Variants in PCDHGA10 observed in about 807,000 individuals in gnomAD.
PCDHGA10 encodes the protein protocadherin gamma subfamily A, 10, also known as protocadherin gamma-A10.
PCDHGA10 carries 42 observed loss-of-function variants against 59.5 expected under a neutral mutation model. The ratio of observed to expected loss-of-function variants is 0.71; its 90% confidence interval spans 0.55 to 0.91. The LOEUF is 0.91. Ranked by LOEUF, PCDHGA10 falls within the 40% of genes least tolerant of loss-of-function variation. PCDHGA10 has a pLI of 0.00. For missense variants in PCDHGA10, 1,111 were observed against 1,198.2 expected (o/e 0.93, Z 1.07); for synonymous variants, 511 against 517.2 (o/e 0.99, Z 0.16).
At chr5:141,426,521 C>T (rs184198267) in intron 1 of PCDHGA10, 14 of 341,908 alleles carry the variant, frequency 4.1e-5, no homozygotes, top group Admixed American at 7.6e-5. Flanking sequence ...ACCGTGAACA[C>T]GGAGAATGGG....
intron 1 of PCDHGA10, among the ~76,000 whole-genome samples, chr5:141,469,492 T>C (rs1233507221): frequency 6.6e-6 from 1 of 152,038 alleles, no homozygotes; most frequent in Non-Finnish European, 1.5e-5. Flanking sequence ...GGAGAATCGC[T>C]TGAACCCGGG....
At chr5:141,447,136 TTTTTTG>T (rs1304915683) in intron 1 of PCDHGA10, among the ~76,000 whole-genome samples, 4 of 152,090 alleles carry the variant, frequency 2.6e-5, no homozygotes, top group Admixed American at 6.6e-5. Context: ...TGTTTGTTTG[TTTTTTG>T]TTTTTGTTTT....
chr5:141,441,973 C>A lies in PCDHGA10; in HGVS notation c.2436+26362C>A, dbSNP rs1457832429. The A allele has an allele frequency of 3.7e-5, 11 of 296,542 alleles. No individual in the cohort carries two copies. In the Admixed American group the frequency reaches 4.9e-4, roughly 13 times the overall value. 18.4% of individuals were successfully genotyped at this position (296,542 alleles called of 1,614,324 possible). A position where few individuals can be genotyped will look rare whatever the true frequency, so the allele number is the denominator to read the frequency against. ...GGCCAGCAAGCCCAGGCTCTTCAGC[C>A]TGGAATGCGCACCGACGAGGTGCTG... On this transcript the variant is annotated intron_variant, in intron 1 of 3. Coordinates refer to ENST00000398610, the MANE Select transcript of PCDHGA10 (RefSeq NM_018913.3).
At chr5:141,495,841 G>A (rs1187067340) in intron 2 of PCDHGA10, among the ~76,000 whole-genome samples, 1 of 151,864 alleles carries the variant, frequency 6.6e-6, no homozygotes, top group Non-Finnish European at 1.5e-5. Context: ...CAGCCTCTAT[G>A]TTTCTCTGTC....
chr5:141,503,221 C>T (rs528636727), intron 2 of PCDHGA10, among the ~76,000 whole-genome samples: 34 of 152,074 alleles, frequency 2.2e-4, no homozygotes, highest in Middle Eastern at 6.8e-3. Flanking sequence ...CCATGAGCAC[C>T]GTAAAGATGG....
intron 1 of PCDHGA10, among the ~76,000 whole-genome samples, chr5:141,430,247 G>T (rs1003479541): frequency 9.7e-6 from 1 of 102,928 alleles, no homozygotes; most frequent in Non-Finnish European, 1.8e-5. Flanking sequence ...AACTCCTAGG[G>T]AGACATCTCC....
intron 1 of PCDHGA10, among the ~76,000 whole-genome samples, chr5:141,465,206 C>T (rs375753635): frequency 1.8e-4 from 27 of 151,896 alleles, no homozygotes; most frequent in Middle Eastern, 3.4e-3. Context: ...AAAATATAAG[C>T]TTTATTTTTC....
intron 1 of PCDHGA10, among the ~76,000 whole-genome samples, chr5:141,449,103 A>G (rs1033077737): frequency 2.0e-5 from 3 of 152,206 alleles, no homozygotes; most frequent in African/African-American, 7.2e-5. Context: ...CATATGCAGT[A>G]TATCTTTGGG....
chr5:141,496,146 G>T (rs749790409), intron 2 of PCDHGA10, among the ~76,000 whole-genome samples: 1 of 151,170 alleles, frequency 6.6e-6, no homozygotes, highest in South Asian at 2.1e-4. Flanking sequence ...GCCTTTGATC[G>T]CAGCTCTCCA....
In PCDHGA10 at chr5:141,413,390, C is replaced by G; in HGVS notation, c.215C>G (p.Ser72Cys). ...GCGGAGCGCGGAGTCCGCATAGTCT[C>G]CAGAGGTAGGACGCAGCTTTTCTCT... Reference protein sequence around the residue: ...ELAERGVRIVSRGRTQLFSLN... With the variant: ...ELAERGVRIVCRGRTQLFSLN... Residue 72 changes from serine (S) to cysteine (C), a missense_variant, in exon 1 of 4, where the codon TCC (serine) becomes TGC (cysteine). Transcript: ENST00000398610. The G allele has an allele frequency of 6.2e-7, 1 of 1,614,010 alleles. No individual in the cohort carries two copies. The highest frequency in any genetic ancestry group is 8.5e-7 in the Non-Finnish European group (1 of 1,179,914).
In PCDHGA10 at chr5:141,421,624, A is replaced by G; in HGVS notation, c.2436+6013A>G. On this transcript the variant is annotated intron_variant, in intron 1 of 3. Transcript: ENST00000398610. ...AATAGATATTAATGATAACGCCCCC[A>G]GCTTCCAGGAGGACGAAGTGGAGAT... 2.5e-6 allele frequency: 4 copies of G among 1,613,872 alleles called. No homozygotes were observed. The South Asian group carries it at 3.3e-5, about 13-fold the overall frequency.
Position 141,414,958 on chromosome 5 carries a change from G to T in PCDHGA10, c.1783G>T (p.Val595Leu). The T allele has an allele frequency of 1.2e-6, 2 of 1,614,024 alleles. No individual in the cohort carries two copies. Among genetic ancestry groups the T allele is most frequent in the East Asian group, 2.2e-5 (1 of 44,874 alleles). ...SAEPGYLVTK[V>L]VAVDRDSGQN... The stretch of plus-strand genomic sequence containing the variant: ...AGAGCCCGGCTACCTGGTGACCAAG[G>T]TGGTGGCGGTGGACAGAGACTCCGG... The change falls in exon 1 of 4, where the codon GTG (valine) becomes TTG (leucine). Residue 595 changes from valine to leucine, a missense_variant. Val to Leu is a conservative substitution (Grantham distance 32). Transcript: ENST00000398610.
At chr5:141,430,873 G>T in intron 1 of PCDHGA10, 5 of 1,598,960 alleles carry the variant, frequency 3.1e-6, no homozygotes, top group Non-Finnish European at 4.3e-6. Flanking sequence ...TTCCGGAAGA[G>T]CTGGAGAAAG....
At chr5:141,501,470 TG>T (rs1206698871) in intron 2 of PCDHGA10, among the ~76,000 whole-genome samples, 1 of 152,068 alleles carries the variant, frequency 6.6e-6, no homozygotes, top group African/African-American at 2.4e-5. Flanking sequence ...CCCCAAATCC[TG>T]GAAGAGTCCC....
intron 1 of PCDHGA10, among the ~76,000 whole-genome samples, chr5:141,465,307 T>C (rs2099100636): frequency 6.6e-6 from 1 of 152,218 alleles, no homozygotes; most frequent in Non-Finnish European, 1.5e-5. Context: ...CCTGGGAATT[T>C]AGCCATGTCA....
At chr5:141,495,499 C>T (rs918858395) in intron 2 of PCDHGA10, among the ~76,000 whole-genome samples, 13 of 152,162 alleles carry the variant, frequency 8.5e-5, no homozygotes, top group African/African-American at 2.9e-4. Context: ...CTTGAGTTTC[C>T]GTCTTTGCCA....
intron 1 of PCDHGA10, chr5:141,427,624 C>T (rs2097051687): frequency 1.4e-6 from 1 of 698,516 alleles, no homozygotes; most frequent in South Asian, 1.5e-5. Context: ...AACGACAATG[C>T]TCCGGTTTTC....
chr5:141,506,017 C>G (rs2099850061), intron 3 of PCDHGA10, among the ~76,000 whole-genome samples: 1 of 152,176 alleles, frequency 6.6e-6, no homozygotes, highest in Non-Finnish European at 1.5e-5. Flanking sequence ...TTTGCTGCCC[C>G]TAACTCCAGA....
At chr5:141,430,925 C>G (rs1313621122) in intron 1 of PCDHGA10, 2 of 1,607,162 alleles carry the variant, frequency 1.2e-6, no homozygotes, top group Non-Finnish European at 8.5e-7. Context: ...GGGGCTGGAG[C>G]CCCGGGAGCT....
Sources: allele counts gnomAD v4.1 joint callset (sites outside exome capture counted in the v4.1 genomes callset), GRCh38; gene constraint gnomAD v4.1.1; transcripts MANE v1.5; gene names NCBI Gene and HGNC (gene_info 2026-07-23, HGNC 2026-07-21).